Variants in PIGR observed in about 807,000 individuals in gnomAD.
PIGR encodes the protein hepatocellular carcinoma associated protein TB6.
Under a neutral mutation model 69.5 loss-of-function variants are expected in PIGR, and 22 were observed. The observed-to-expected ratio is 0.32, with a 90% confidence interval of 0.23 to 0.45. The LOEUF (loss-of-function observed/expected upper bound fraction) is 0.45, where lower values mean the gene tolerates loss of function less well. PIGR is among the 20% of genes least tolerant of loss of function. PIGR has a pLI of 1.00. For synonymous variants in PIGR, 413 were observed against 407.6 expected (o/e 1.01, Z -0.16); for missense variants, 885 against 974.0 (o/e 0.91, Z 1.22).
chr1:206,935,657 C>T lies in PIGR; in HGVS notation c.1207G>A (p.Gly403Arg), dbSNP rs1247065556. Residue 403 changes from glycine to arginine, a missense_variant, in exon 5 of 11, where the codon GGG becomes AGG. Coordinates refer to ENST00000356495, the MANE Select transcript of PIGR (RefSeq NM_002644.4). This position sits in a 1 kb window ranked among gnomAD's most constrained non-coding sequence, Gnocchi z 4.4. ...GRCPLLVDSE[G>R]WVKAQYEGRL... The stretch of plus-strand genomic sequence containing the variant: ...CCCTCGTACTGGGCCTTAACCCACC[C>T]CTCGCTGTCCACCAGCAGGGGGCAG... The T allele has an allele frequency of 6.2e-7, 1 of 1,613,846 alleles. No individual in the cohort carries two copies. Among genetic ancestry groups the T allele is most frequent in the African/African-American group, 1.3e-5 (1 of 74,914 alleles).
chr1:206,934,823 A>C, intron 5 of PIGR, 77 bp from the exon 6 acceptor site: 1 of 1,001,930 alleles, frequency 1.0e-6, no homozygotes, highest in Non-Finnish European at 1.5e-6. Flanking sequence ...CTCTGGTGGG[A>C]ATCTTTGTCC....
At chr1:206,932,863 G>A (rs1409069795) in intron 7 of PIGR, 123 bp downstream of exon 7, 6 of 971,212 alleles carry the variant, frequency 6.2e-6, no homozygotes, top group Non-Finnish European at 7.8e-6. Flanking sequence ...ATAAGCAGAG[G>A]TAGTAAGGGC....
chr1:206,934,647 T>G lies in PIGR; in HGVS notation c.1478A>C (p.Lys493Thr). The G allele has an allele frequency of 3.1e-6, 5 of 1,614,196 alleles. No homozygotes were observed. Among genetic ancestry groups the G allele is most frequent in the Non-Finnish European group, 4.2e-6 (5 of 1,180,028 alleles). Residue 493 changes from lysine (K) to threonine (T), a missense_variant, in exon 6 of 11, where the codon AAA becomes ACA. By Grantham distance (78) the Lys-to-Thr change is moderately conservative. Transcript: ENST00000356495. ...CGTGTTATTCCACTTGCACCAGTAT[T>G]TCTCGTACGAGGAGAATTTGCATGG... Reference protein sequence around the residue: ...HFPCKFSSYEKYWCKWNNTGC... With the variant: ...HFPCKFSSYETYWCKWNNTGC...
In PIGR at chr1:206,930,290, G is replaced by A. The variant is rs1679708816; in HGVS notation, c.*28C>T. 1 of 1,579,890 alleles carries A rather than the reference G, an allele frequency of 6.3e-7. No individual in the cohort carries two copies. The highest frequency in any genetic ancestry group is 1.4e-5 in the African/African-American group (1 of 73,920). Reference sequence around the variant, plus strand: ...ACATGATTCTGAAGGTGATTGTCATGGGTGCAGGGAGCAGGCGGCGACACC... The same window carrying A: ...ACATGATTCTGAAGGTGATTGTCATAGGTGCAGGGAGCAGGCGGCGACACC... On this transcript the variant is annotated 3_prime_UTR_variant, in exon 11 of 11. Coordinates refer to ENST00000356495, the MANE Select transcript of PIGR (RefSeq NM_002644.4). The surrounding 1 kb of genome is among the most constrained non-coding windows in gnomAD (Gnocchi z 4.3).
chr1:206,941,294 G>A (rs1679980081), intron 1 of PIGR, among the ~76,000 whole-genome samples: 1 of 152,112 alleles, frequency 6.6e-6, no homozygotes, highest in Non-Finnish European at 1.5e-5. Context: ...TGGGGGTCGG[G>A]GAAGATTTGG....
chr1:206,929,681 C>G lies in PIGR; in HGVS notation c.*637G>C, dbSNP rs912468893. On this transcript the variant is annotated 3_prime_UTR_variant, in exon 11 of 11. Coordinates refer to ENST00000356495, the MANE Select transcript of PIGR (RefSeq NM_002644.4). ...ACATGACCCCTAAGGCCTTAGGACT[C>G]GAGACATTTTATGACCTCTCCCAAT... 6.6e-6 allele frequency: 1 copy of G among 152,130 alleles called. No homozygotes were observed. Among genetic ancestry groups the G allele is most frequent in the Non-Finnish European group, 1.5e-5 (1 of 68,050 alleles). 9.4% of individuals were successfully genotyped at this position (152,130 alleles called of 1,614,324 possible).
Position 206,935,853 on chromosome 1 carries a change from G to A in PIGR, c.1046-35C>T. On this transcript the variant is annotated intron_variant, in intron 4 of 10. Transcript: ENST00000356495. The surrounding 1 kb of genome is among the most constrained non-coding windows in gnomAD (Gnocchi z 4.4). ...CAGACAGAGATGGGATGGGAGGATGGCCACGCAGGAAGAGCCTTGCGTGGC... is the reference window on the plus strand; with the variant it reads ...CAGACAGAGATGGGATGGGAGGATGACCACGCAGGAAGAGCCTTGCGTGGC... 1 of 1,516,766 alleles carries A rather than the reference G, an allele frequency of 6.6e-7. No individual in the cohort carries two copies. The allele number at this position is 1,516,766 out of a possible 1,614,324, so 94.0% of individuals were successfully genotyped here.
At chr1:206,933,409 G>A (rs1387631284) in intron 6 of PIGR, among the ~76,000 whole-genome samples, 5 of 152,098 alleles carry the variant, frequency 3.3e-5, no homozygotes, top group Non-Finnish European at 7.4e-5. Context: ...TCGTGTCATA[G>A]ACCAGCTGTG....
chr1:206,935,791 AC>A lies in PIGR; in HGVS notation c.1072del (p.Val358TrpfsTer2), dbSNP rs1419310162. ...AGAGCCTCCTGCCACCCCCTTCACC[AC>A]AGTGGGGCTGCGGGGAATCGTGGAC... ...EESTIPRSPTVVKGVAGGSVA... is the reference protein window; with the variant it reads ...EESTIPRSPTXVKGVAGGSVA... On this transcript the variant is annotated frameshift_variant, in exon 5 of 11. Coordinates refer to ENST00000356495, the MANE Select transcript of PIGR (RefSeq NM_002644.4). LOFTEE classifies it high-confidence loss of function. This position sits in a 1 kb window ranked among gnomAD's most constrained non-coding sequence, Gnocchi z 4.4. The A allele has an allele frequency of 6.2e-7, 1 of 1,606,904 alleles. No individual in the cohort carries two copies. The highest frequency in any genetic ancestry group is 2.2e-5 in the East Asian group (1 of 44,688).
At chr1:206,937,062 C>G in intron 4 of PIGR, 33 bp downstream of exon 4, 1 of 1,517,592 alleles carries the variant, frequency 6.6e-7, no homozygotes, top group Non-Finnish European at 8.8e-7. Context: ...CGAGACTGCC[C>G]CACCTACTCC....
chr1:206,933,816 A>G (rs1679809968), intron 6 of PIGR, among the ~76,000 whole-genome samples: 2 of 151,858 alleles, frequency 1.3e-5, no homozygotes, highest in Non-Finnish European at 2.9e-5. Flanking sequence ...AGAGAAGAAT[A>G]TTTCCAGATA....
chr1:206,946,074 T>G (rs1464669620), intron 1 of PIGR, among the ~76,000 whole-genome samples: 1 of 152,218 alleles, frequency 6.6e-6, no homozygotes, highest in African/African-American at 2.4e-5. Context: ...TTACATATGC[T>G]GACCACAGAG....
chr1:206,937,189 C>T lies in PIGR; in HGVS notation c.951G>A (p.Lys317=), dbSNP rs2102600516. Residue 317 remains lysine, a synonymous_variant, in exon 4 of 11, where the codon AAG becomes AAA. Transcript: ENST00000356495. The part of the protein sequence containing the change: ...SFSVVITGLR[K]EDAGRYLCGA... ...CACACAGGTAGCGCCCTGCATCCTCCTTCCTCAGGCCTGTGATCACCACAC... is the reference window on the plus strand; with the variant it reads ...CACACAGGTAGCGCCCTGCATCCTCTTTCCTCAGGCCTGTGATCACCACAC... The T allele has an allele frequency of 6.2e-7, 1 of 1,614,224 alleles. No individual in the cohort carries two copies.
At position 206,930,940 on chromosome 1, in the gene PIGR, A is replaced by C; in HGVS notation, c.2200-527T>G. On this transcript the variant is annotated intron_variant, in intron 10 of 10. Transcript: ENST00000356495. The surrounding 1 kb of genome is among the most constrained non-coding windows in gnomAD (Gnocchi z 4.3). ...CTCGGGATTAAAGGCATGAGATGTTATTTTTCTTGGTCCCCTGAGTCCTAG... is the reference window on the plus strand; with the variant it reads ...CTCGGGATTAAAGGCATGAGATGTTCTTTTTCTTGGTCCCCTGAGTCCTAG... 1 of 985,412 alleles carries C rather than the reference A, an allele frequency of 1.0e-6. No homozygotes were observed. The highest frequency in any genetic ancestry group is 1.2e-6 in the Non-Finnish European group (1 of 829,914). The allele number at this position is 985,412 out of a possible 1,614,324, so 61.0% of individuals were successfully genotyped here.
Position 206,933,163 on chromosome 1 carries a change from G to A in PIGR, c.1709C>T (p.Ser570Phe). ...VAVEERKAAG[S>F]RDVSLAKADA... ...TGCCTTCGCTAGGCTGACATCGCGG[G>A]ACCCTGCAGCAGGGAAGAGTGGGCC... Residue 570 changes from serine (S) to phenylalanine (F), a missense_variant, in exon 7 of 11, where the codon TCC becomes TTC. Ser to Phe is a radical substitution (Grantham distance 155). Coordinates refer to ENST00000356495, the MANE Select transcript of PIGR (RefSeq NM_002644.4). 6.2e-7 allele frequency: 1 copy of A among 1,614,032 alleles called. No individual in the cohort carries two copies. Among genetic ancestry groups the A allele is most frequent in the Non-Finnish European group, 8.5e-7 (1 of 1,179,980 alleles).
chr1:206,945,457 C>T (rs909067559), intron 1 of PIGR, among the ~76,000 whole-genome samples: 1 of 152,190 alleles, frequency 6.6e-6, no homozygotes, highest in Admixed American at 6.5e-5. Flanking sequence ...AAGCCCATGT[C>T]TGAGATCTGC....
intron 4 of PIGR, among the ~76,000 whole-genome samples, chr1:206,936,315 T>C (rs559273272): frequency 1.8e-4 from 28 of 152,302 alleles, no homozygotes; most frequent in African/African-American, 6.3e-4. Flanking sequence ...TCAAAGACGA[T>C]AGCCATTCTC....
At chr1:206,939,896 A>G (rs1233306623) in intron 2 of PIGR, among the ~76,000 whole-genome samples, 1 of 151,898 alleles carries the variant, frequency 6.6e-6, no homozygotes. Flanking sequence ...TTTGGTTTCT[A>G]TTTAGTAGAG....
intron 1 of PIGR, among the ~76,000 whole-genome samples, chr1:206,945,958 A>G (rs1043157868): frequency 6.6e-6 from 1 of 152,252 alleles, no homozygotes; most frequent in African/African-American, 2.4e-5. Context: ...TTTACAGATT[A>G]AGAAACTGAG....
Sources: gnomAD v4.1 joint callset for allele counts (sites outside exome capture counted in the v4.1 genomes callset) on GRCh38, gnomAD v4.1.1 for gene constraint, Gnocchi (gnomAD v3.1) non-coding constraint, MANE v1.5 for transcripts, NCBI Gene and HGNC (gene_info 2026-07-23, HGNC 2026-07-21) for gene names.